MDGA2: variants seen among roughly 807,000 people sequenced by gnomAD.
MDGA2 encodes MAM domain containing glycosylphosphatidylinositol anchor 2, also known as MAM domain-containing glycosylphosphatidylinositol anchor protein 2.
A neutral mutation model predicts 117.8 loss-of-function variants in MDGA2; 40 were observed. The observed-to-expected ratio is 0.34, with a 90% CI of 0.26 to 0.44. The LOEUF is 0.44. MDGA2 is among the 20% of genes least tolerant of loss of function. MDGA2 has a pLI of 1.00. For missense variants in MDGA2, 1,123 were observed against 1,250.6 expected, an observed-to-expected ratio of 0.90 and a Z score of 1.54; for synonymous variants, 452 against 439.0, an observed-to-expected ratio of 1.03 and a Z score of -0.37.
intron 1 of MDGA2, among the ~76,000 whole-genome samples, chr14:47,400,924 A>T (rs1301775875): frequency 1.3e-5 from 2 of 148,548 alleles, no homozygotes; most frequent in African/African-American, 5.0e-5. Flanking sequence ...CGCCCGGCTA[A>T]TTTTTTGTAT....
intron 1 of MDGA2, among the ~76,000 whole-genome samples, chr14:47,375,708 C>T (rs1447531700): frequency 6.6e-6 from 1 of 152,064 alleles, no homozygotes; most frequent in Non-Finnish European, 1.5e-5. Context: ...ATTCTAATTA[C>T]AATTCACATC....
chr14:46,849,700 C>T (rs1880983077), intron 15 of MDGA2, among the ~76,000 whole-genome samples: 1 of 151,812 alleles, frequency 6.6e-6, no homozygotes, highest in Non-Finnish European at 1.5e-5. Flanking sequence ...GATCTTTACA[C>T]AACAAAAAAT....
At chr14:47,566,613 G>T (rs1895924160) in intron 1 of MDGA2, among the ~76,000 whole-genome samples, 3 of 152,204 alleles carry the variant, frequency 2.0e-5, no homozygotes, top group Admixed American at 2.0e-4. Flanking sequence ...ATGGGGGTTG[G>T]GGAGACTTCT....
At chr14:47,288,796 T>C (rs1888776201) in intron 2 of MDGA2, among the ~76,000 whole-genome samples, 1 of 150,306 alleles carries the variant, frequency 6.7e-6, no homozygotes, top group Non-Finnish European at 1.5e-5. Flanking sequence ...TTAATAACTG[T>C]TTTCTTATTT....
chr14:46,856,858 A>G (rs1881287433), intron 14 of MDGA2, among the ~76,000 whole-genome samples: 2 of 152,028 alleles, frequency 1.3e-5, no homozygotes, highest in African/African-American at 4.8e-5. Context: ...TCCTTTTACT[A>G]TGCGTTAGTG....
At chr14:47,294,522 A>C (rs113992518) in intron 2 of MDGA2, among the ~76,000 whole-genome samples, 1 of 152,148 alleles carries the variant, frequency 6.6e-6, no homozygotes, top group African/African-American at 2.4e-5. Context: ...ATGATATAGC[A>C]GACAGATTCA....
Position 46,855,282 on chromosome 14 carries a change from TCTC to T in MDGA2, c.2753-131_2753-129del, listed in dbSNP as rs1430824709. The T allele has an allele frequency of 1.3e-5, 8 of 633,594 alleles. No homozygotes were observed. Among genetic ancestry groups the T allele is most frequent in the East Asian group, 6.1e-5 (2 of 32,798 alleles). 39.2% of individuals were successfully genotyped at this position (633,594 alleles called of 1,614,324 possible). On this transcript the variant is annotated intron_variant, in intron 14 of 16. Coordinates refer to ENST00000399232, the MANE Select transcript of MDGA2 (RefSeq NM_001113498.3). The surrounding 1 kb of genome is among the most constrained non-coding windows in gnomAD (Gnocchi z 4.1). ...AACACTCTAGTGTCTTGTCCTCTCT[TCTC>T]CTCTCATTTCCTATCTTGCTCTTAT... is the stretch of plus-strand genomic sequence containing the variant.
At chr14:47,310,601 T>G (rs1889604092) in intron 1 of MDGA2, among the ~76,000 whole-genome samples, 1 of 152,112 alleles carries the variant, frequency 6.6e-6, no homozygotes, top group Non-Finnish European at 1.5e-5. Context: ...ATAATGAATA[T>G]ATATATATAT....
At chr14:47,286,410 T>G (rs1218637322) in intron 2 of MDGA2, among the ~76,000 whole-genome samples, 1 of 151,992 alleles carries the variant, frequency 6.6e-6, no homozygotes, top group Non-Finnish European at 1.5e-5. Context: ...TCTGGTAACC[T>G]CCATTCTATT....
At chr14:47,197,335 T>C (rs969238894) in intron 3 of MDGA2, among the ~76,000 whole-genome samples, 23 of 152,042 alleles carry the variant, frequency 1.5e-4, no homozygotes, top group Non-Finnish European at 1.8e-4. Context: ...TTTTAAGAGA[T>C]AGACCCTTGC....
intron 8 of MDGA2, among the ~76,000 whole-genome samples, chr14:47,013,863 C>G (rs182703685): frequency 1.9e-4 from 28 of 145,626 alleles, no homozygotes; most frequent in East Asian, 1.5e-3. Context: ...ATGGTATGAT[C>G]TCAGCTCACT....
At chr14:47,396,306 T>C (rs996421878) in intron 1 of MDGA2, among the ~76,000 whole-genome samples, 5 of 152,272 alleles carry the variant, frequency 3.3e-5, no homozygotes, top group Non-Finnish European at 5.9e-5. Context: ...ATTAAAGATT[T>C]AAATGTAAGA....
At chr14:47,072,622 A>T (rs979653137) in intron 6 of MDGA2, among the ~76,000 whole-genome samples, 2 of 152,190 alleles carry the variant, frequency 1.3e-5, no homozygotes, top group Non-Finnish European at 2.9e-5. Flanking sequence ...AGAATTTGTT[A>T]GAAAGGCAAG....
intron 5 of MDGA2, among the ~76,000 whole-genome samples, chr14:47,109,271 GAATTCTCTTCCAGTGCTTGT>G (rs1241293956): frequency 6.6e-6 from 1 of 152,148 alleles, no homozygotes. Context: ...CTTCTACCTG[GAATTCTCTTCCAGTGCTTGT>G]CCACTCATTA....
chr14:47,105,826 T>C (rs1457453452), intron 5 of MDGA2, among the ~76,000 whole-genome samples: 1 of 151,928 alleles, frequency 6.6e-6, no homozygotes, highest in Non-Finnish European at 1.5e-5. Flanking sequence ...TACAGACCCA[T>C]CTGACCTCTC....
intron 2 of MDGA2, among the ~76,000 whole-genome samples, chr14:47,267,311 A>C (rs1211028473): frequency 6.6e-6 from 1 of 152,156 alleles, no homozygotes; most frequent in African/African-American, 2.4e-5. Flanking sequence ...TAAGATCACA[A>C]AGGCAATTTA....
rs770102047 is a variant in MDGA2, at chr14:47,052,192, A to G, written c.1525+9057T>C. 9.0e-4 allele frequency among the ~76,000 whole-genome samples: 137 copies of G among 152,014 alleles called. 1 individual carries two copies. Among genetic ancestry groups the G allele is most frequent in the Non-Finnish European group, 2.2e-4 (15 of 67,862 alleles). On this transcript the variant is annotated intron_variant, in intron 7 of 16. Coordinates refer to ENST00000399232, the MANE Select transcript of MDGA2 (RefSeq NM_001113498.3). The stretch of plus-strand genomic sequence containing the variant: ...TTTATATCCAGTCGTTTAAAATTCA[A>G]ATAGTTTCTATGTTCCCATTGCTTG...
rs548686718 is a variant in MDGA2 at position 47,324,250 on chromosome 14, G to GA, written c.281-22701dup. Among the ~76,000 whole-genome samples, 1,153 of 149,624 alleles carry GA rather than the reference G, an allele frequency of 7.7e-3. 16 individuals are homozygous for GA. Among genetic ancestry groups the GA allele is most frequent in the African/African-American group, 0.027 (1,102 of 40,794 alleles). ...ACAGAGTGAGACTCCATCTCAAAAG[G>GA]AAAAAAAAAGATCTCTGAGTGATGC... On this transcript the variant is annotated intron_variant, in intron 1 of 16. Transcript: ENST00000399232.
intron 1 of MDGA2, among the ~76,000 whole-genome samples, chr14:47,512,712 A>C (rs1288913204): frequency 2.6e-5 from 4 of 152,092 alleles, no homozygotes; most frequent in Admixed American, 2.0e-4. Flanking sequence ...GTCTCTTATA[A>C]AGTAGATTCC....
Sources: gnomAD v4.1 joint callset for allele counts (sites outside exome capture counted in the v4.1 genomes callset) on GRCh38, gnomAD v4.1.1 for gene constraint, Gnocchi (gnomAD v3.1) non-coding constraint, MANE v1.5 for transcripts, NCBI Gene and HGNC (gene_info 2026-07-23, HGNC 2026-07-21) for gene names.